The following ZFPM2 variants were observed in gnomAD, a reference collection of about 807,000 sequenced individuals.
ZFPM2 encodes the protein zinc finger protein, FOG family member 2.
A neutral mutation model predicts 98.6 loss-of-function variants in ZFPM2; 20 were observed. That is an observed-to-expected ratio of 0.20 (90% CI 0.14 to 0.29). The LOEUF is 0.29. ZFPM2 is among the 10% of genes least tolerant of loss of function. The pLI, the probability that ZFPM2 is intolerant of heterozygous loss-of-function variation, is 1.00. For missense variants in ZFPM2, 1,310 were observed against 1,388.6 expected, an observed-to-expected ratio of 0.94 and a Z score of 0.90; for synonymous variants, 518 against 502.7, an observed-to-expected ratio of 1.03 and a Z score of -0.41.
At position 105,802,659 on chromosome 8, in the gene ZFPM2, C is replaced by T. The variant is rs759818551; in HGVS notation, c.2577C>T (p.Cys859=). The part of the protein sequence containing the change: ...RLLDYHECTV[C]KISFNKVENY... ...TGGACTATCACGAGTGCACTGTGTG[C>T]AAGATCAGTTTCAATAAGGTAGAAA... The change falls in exon 8 of 8, where the codon TGC becomes TGT. Residue 859 remains cysteine (C), a synonymous_variant. Coordinates refer to ENST00000407775, the MANE Select transcript of ZFPM2 (RefSeq NM_012082.4). The T allele has an allele frequency of 1.2e-6, 2 of 1,611,168 alleles. No individual in the cohort carries two copies. Among genetic ancestry groups the T allele is most frequent in the South Asian group, 2.2e-5 (2 of 90,528 alleles).
intron 5 of ZFPM2, among the ~76,000 whole-genome samples, chr8:105,654,319 G>C (rs1817242198): frequency 6.6e-6 from 1 of 152,108 alleles, no homozygotes; most frequent in Non-Finnish European, 1.5e-5. Context: ...CCTGTCAAAA[G>C]GCTTTCGCCT....
At chr8:105,330,193 G>A (rs1335877275) in intron 1 of ZFPM2, among the ~76,000 whole-genome samples, 2 of 151,436 alleles carry the variant, frequency 1.3e-5, no homozygotes, top group Non-Finnish European at 1.5e-5. Context: ...TTTAGATTTA[G>A]GACAGTTTGA....
chr8:105,690,565 G>A (rs1810854585), intron 5 of ZFPM2, among the ~76,000 whole-genome samples: 1 of 152,126 alleles, frequency 6.6e-6, no homozygotes, highest in Admixed American at 6.5e-5. Flanking sequence ...AGCTCCTCAG[G>A]AGATATCTTC....
intron 3 of ZFPM2, among the ~76,000 whole-genome samples, chr8:105,513,902 C>G (rs923826105): frequency 2.6e-5 from 4 of 152,106 alleles, no homozygotes; most frequent in African/African-American, 7.2e-5. Context: ...ATCACTCACT[C>G]TCATTCTGCA....
At chr8:105,354,121 A>G (rs1812697369) in intron 1 of ZFPM2, among the ~76,000 whole-genome samples, 1 of 152,246 alleles carries the variant, frequency 6.6e-6, no homozygotes, top group African/African-American at 2.4e-5. Context: ...TAACTTTTTT[A>G]CACGAAGAAA....
intron 5 of ZFPM2, among the ~76,000 whole-genome samples, chr8:105,666,096 C>T (rs1453834879): frequency 6.6e-6 from 1 of 152,022 alleles, no homozygotes; most frequent in Non-Finnish European, 1.5e-5. Context: ...ATCTTTGCAT[C>T]TATAGGGTGA....
chr8:105,787,200 TC>T (rs1431699827), intron 5 of ZFPM2: 2 of 152,218 alleles, frequency 1.3e-5, no homozygotes, highest in African/African-American at 2.4e-5. Flanking sequence ...TCCTCTGATT[TC>T]GACATGATAT....
intron 3 of ZFPM2, among the ~76,000 whole-genome samples, chr8:105,474,107 C>T (rs1356037351): frequency 2.6e-5 from 4 of 152,150 alleles, no homozygotes; most frequent in African/African-American, 4.8e-5. Flanking sequence ...AGTGACTAAG[C>T]GAGGTTCTTG....
intron 4 of ZFPM2, chr8:105,616,813 T>A: frequency 4.9e-6 from 1 of 204,788 alleles, no homozygotes; most frequent in Admixed American, 6.0e-5. Context: ...GGACCAGGAG[T>A]TTGAGACTGG....
intron 1 of ZFPM2, among the ~76,000 whole-genome samples, chr8:105,343,232 T>C (rs1421123611): frequency 6.6e-6 from 1 of 152,152 alleles, no homozygotes; most frequent in Non-Finnish European, 1.5e-5. Context: ...GGTGTTTTAG[T>C]TAACTGAGTC....
At chr8:105,651,287 A>G (rs1817168670) in intron 5 of ZFPM2, among the ~76,000 whole-genome samples, 1 of 151,940 alleles carries the variant, frequency 6.6e-6, no homozygotes, top group Non-Finnish European at 1.5e-5. Flanking sequence ...TGTTTCAATC[A>G]TACTCAATTG....
chr8:105,602,272 G>A (rs1006561770), intron 4 of ZFPM2, among the ~76,000 whole-genome samples: 1 of 152,030 alleles, frequency 6.6e-6, no homozygotes, highest in Non-Finnish European at 1.5e-5. Context: ...AATATAAACT[G>A]CCTTTAGAAT....
intron 5 of ZFPM2, among the ~76,000 whole-genome samples, chr8:105,776,691 G>A (rs1471939747): frequency 2.0e-5 from 3 of 152,024 alleles, no homozygotes; most frequent in African/African-American, 4.8e-5. Context: ...ATCATATACC[G>A]TAGCTCCTAA....
intron 4 of ZFPM2, among the ~76,000 whole-genome samples, chr8:105,612,149 G>C (rs1015813748): frequency 7.9e-5 from 12 of 152,108 alleles, no homozygotes; most frequent in Admixed American, 3.3e-4. Context: ...GTAAGATATA[G>C]ACTGTTTTTA....
chr8:105,388,422 G>A (rs1770688815), intron 1 of ZFPM2, among the ~76,000 whole-genome samples: 1 of 152,206 alleles, frequency 6.6e-6, no homozygotes, highest in Non-Finnish European at 1.5e-5. Flanking sequence ...ATGACTTGCA[G>A]TATAAGTCGT....
chr8:105,621,768 A>G (rs1307573083), intron 4 of ZFPM2, among the ~76,000 whole-genome samples: 2 of 152,164 alleles, frequency 1.3e-5, no homozygotes, highest in South Asian at 2.1e-4. Flanking sequence ...AGTATTCTAC[A>G]TAGTAGATAA....
At chr8:105,674,960 G>T (rs1810408557) in intron 5 of ZFPM2, among the ~76,000 whole-genome samples, 1 of 152,106 alleles carries the variant, frequency 6.6e-6, no homozygotes, top group Admixed American at 6.5e-5. Context: ...ATTTAATGGT[G>T]ATGGATTAGA....
intron 2 of ZFPM2, among the ~76,000 whole-genome samples, chr8:105,427,705 A>G (rs186639439): frequency 6.6e-6 from 1 of 152,324 alleles, no homozygotes; most frequent in Admixed American, 6.5e-5. Context: ...AAGTATAGTA[A>G]TAAACTCAGC....
chr8:105,373,892 G>T (rs1038728564), intron 1 of ZFPM2, among the ~76,000 whole-genome samples: 25 of 152,112 alleles, frequency 1.6e-4, no homozygotes, highest in Non-Finnish European at 4.4e-5. Context: ...CTGTCTTCAT[G>T]CATAAAAGGT....
Sources: allele counts gnomAD v4.1 joint callset (sites outside exome capture counted in the v4.1 genomes callset), GRCh38; gene constraint gnomAD v4.1.1; transcripts MANE v1.5; gene names NCBI Gene and HGNC (gene_info 2026-07-23, HGNC 2026-07-21).